The following KCNH8 variants were observed in gnomAD, a reference collection of about 807,000 sequenced individuals.
The protein encoded by KCNH8 is potassium voltage-gated channel subfamily H member 8.
KCNH8 carries 70 observed loss-of-function variants against 103.6 expected under a neutral mutation model. The ratio of observed to expected loss-of-function variants is 0.68; its 90% CI spans 0.56 to 0.82. The LOEUF is 0.82. Among genes scored for constraint, KCNH8 ranks in the 40% least tolerant of loss-of-function variants. KCNH8 has a pLI of 0.00. For synonymous variants in KCNH8, 498 were observed against 489.4 expected (o/e 1.02, Z -0.23); for missense variants, 1,217 against 1,329.9 (o/e 0.92, Z 1.32).
chr3:19,481,942 C>G (rs1194110263), intron 11 of KCNH8, among the ~76,000 whole-genome samples: 1 of 152,174 alleles, frequency 6.6e-6, no homozygotes, highest in Non-Finnish European at 1.5e-5. Flanking sequence ...TAGAACCCCT[C>G]AGACAACAAT....
In KCNH8 at chr3:19,390,594, G is replaced by A. The variant is rs1231347359; in HGVS notation, c.925G>A (p.Ala309Thr). The A allele has an allele frequency of 1.2e-6, 2 of 1,613,136 alleles. No individual in the cohort carries two copies. Among genetic ancestry groups the A allele is most frequent in the Non-Finnish European group, 1.7e-6 (2 of 1,179,564 alleles). Residue 309 changes from alanine to threonine, a missense_variant, in exon 6 of 16, where the codon GCT (alanine) becomes ACT (threonine). Ala to Thr is a moderately conservative substitution (Grantham distance 58, BLOSUM62 0). Around this residue, in one of 3 missense-constraint regions of KCNH8, gnomAD observed 415 missense variants for 577.4 expected, o/e 0.72. Coordinates refer to ENST00000328405, the MANE Select transcript of KCNH8 (RefSeq NM_144633.3). ...AACCTGGTTCATCATTGATTTAATC[G>A]CTGCCCTGCCTTTTGATCTTCTGTA... ...VTTWFIIDLI[A>T]ALPFDLLYAF...
intron 3 of KCNH8, among the ~76,000 whole-genome samples, chr3:19,322,672 G>A (rs1458158322): frequency 6.6e-6 from 1 of 152,092 alleles, no homozygotes; most frequent in Admixed American, 6.5e-5. Flanking sequence ...TATGTGCCCA[G>A]GCAATGATCT....
At chr3:19,202,835 A>T (rs902180447) in intron 1 of KCNH8, among the ~76,000 whole-genome samples, 1 of 152,158 alleles carries the variant, frequency 6.6e-6, no homozygotes, top group Non-Finnish European at 1.5e-5. Flanking sequence ...ATAGTTATTA[A>T]AAAATGTTGA....
chr3:19,471,107 G>A (rs1037800136), intron 11 of KCNH8, among the ~76,000 whole-genome samples: 1 of 152,128 alleles, frequency 6.6e-6, no homozygotes, highest in Non-Finnish European at 1.5e-5. Flanking sequence ...GTTGGGCTGG[G>A]AAAGGGAGAG....
At chr3:19,201,328 G>C (rs945258241) in intron 1 of KCNH8, among the ~76,000 whole-genome samples, 3 of 119,252 alleles carry the variant, frequency 2.5e-5, no homozygotes, top group Non-Finnish European at 5.2e-5. Context: ...TGTTTATTTT[G>C]TTCCTTTTCA....
Position 19,533,438 on chromosome 3 carries a change from T to C in KCNH8, c.2663T>C (p.Met888Thr). ...GAAGTTTCTCAGTTGGGTAAAGACA[T>C]GAGAAATGTGATCCAGCTTCTGGAA... The part of the protein sequence containing the change: ...TQEVSQLGKD[M>T]RNVIQLLENV... The change falls in exon 16 of 16, where the codon ATG (methionine) becomes ACG (threonine). Residue 888 changes from methionine to threonine, a missense_variant. This residue lies in a region of KCNH8 where 558 missense variants were observed against 495.8 expected (regional missense o/e 1.13). Coordinates refer to ENST00000328405, the MANE Select transcript of KCNH8 (RefSeq NM_144633.3). The C allele has an allele frequency of 1.2e-6, 2 of 1,612,122 alleles. No homozygotes were observed. Among genetic ancestry groups the C allele is most frequent in the Non-Finnish European group, 8.5e-7 (1 of 1,178,198 alleles).
At chr3:19,258,960 T>TAC (rs1350355892) in intron 2 of KCNH8, among the ~76,000 whole-genome samples, 1 of 131,648 alleles carries the variant, frequency 7.6e-6, no homozygotes, top group South Asian at 2.4e-4. Context: ...TATATATATA[T>TAC]ATATATATAT....
intron 1 of KCNH8, among the ~76,000 whole-genome samples, chr3:19,232,300 C>T (rs2064004721): frequency 6.6e-6 from 1 of 152,162 alleles, no homozygotes; most frequent in Admixed American, 6.5e-5. Context: ...GGTTTTATTT[C>T]CTCAACCATA....
chr3:19,234,383 G>C (rs868267285), intron 1 of KCNH8, among the ~76,000 whole-genome samples: 136 of 152,328 alleles, frequency 8.9e-4, no homozygotes, highest in Non-Finnish European at 2.4e-4. Context: ...CACGGAGTTG[G>C]GGGGAGGCTC....
rs766382436 is a variant in KCNH8, at chr3:19,513,000, A to C, written c.2110A>C (p.Lys704Gln). The change falls in exon 13 of 16, where the codon AAG becomes CAG. Residue 704 changes from lysine (K) to glutamine (Q), a missense_variant. Lys to Gln is a moderately conservative substitution (Grantham distance 53, BLOSUM62 1). Coordinates refer to ENST00000328405, the MANE Select transcript of KCNH8 (RefSeq NM_144633.3). Reference protein sequence around the residue: ...SEPKGNGNINKRLPSIVEDEE... With the variant: ...SEPKGNGNINQRLPSIVEDEE... ...GCCCAAGGGAAATGGCAACATCAAC[A>C]AGCGACTCCCATCCATTGTGGAAGA... is the stretch of plus-strand genomic sequence containing the variant. 3.5e-5 allele frequency: 57 copies of C among 1,613,366 alleles called. No individual in the cohort carries two copies. Among genetic ancestry groups the C allele is most frequent in the Non-Finnish European group, 4.7e-5 (56 of 1,179,694 alleles).
intron 7 of KCNH8, among the ~76,000 whole-genome samples, chr3:19,415,403 G>GTTT (rs2066847580): frequency 7.4e-6 from 1 of 135,374 alleles, no homozygotes. Context: ...TTCTCAATGA[G>GTTT]CTTTTTTTTT....
At chr3:19,285,388 C>T (rs1205998297) in intron 3 of KCNH8, among the ~76,000 whole-genome samples, 1 of 152,064 alleles carries the variant, frequency 6.6e-6, no homozygotes, top group African/African-American at 2.4e-5. Flanking sequence ...CTGCTACTGT[C>T]TCAGGAACTG....
chr3:19,479,895 C>T (rs888223734), intron 11 of KCNH8, among the ~76,000 whole-genome samples: 1 of 152,122 alleles, frequency 6.6e-6, no homozygotes, highest in African/African-American at 2.4e-5. Flanking sequence ...AACACATGTT[C>T]CTCCAATCTG....
intron 1 of KCNH8, among the ~76,000 whole-genome samples, chr3:19,224,649 T>A (rs2063910078): frequency 6.6e-6 from 1 of 151,750 alleles, no homozygotes; most frequent in African/African-American, 2.4e-5. Context: ...CAAATGATCT[T>A]CCCACTTTGA....
chr3:19,227,684 A>T (rs1341663443), intron 1 of KCNH8, among the ~76,000 whole-genome samples: 1 of 152,210 alleles, frequency 6.6e-6, no homozygotes, highest in African/African-American at 2.4e-5. Context: ...CATCTTGTTT[A>T]TGCTATAGAT....
rs542509931 is a variant in KCNH8, at chr3:19,335,939, AGTTT to A, written c.443-6647_443-6644del. 7.0e-4 allele frequency among the ~76,000 whole-genome samples: 107 copies of A among 151,850 alleles called. 1 individual carries two copies. The South Asian group carries it at 0.022, about 31-fold the overall frequency. ...TTTTTCCTTGGATACAGTTGCCAAAAGTTTAATTCTCTTATCTTCTTTCCATTTA... is the reference window on the plus strand; with the variant it reads ...TTTTTCCTTGGATACAGTTGCCAAAAAATTCTCTTATCTTCTTTCCATTTA... On this transcript the variant is annotated intron_variant, in intron 3 of 15. Transcript: ENST00000328405.
chr3:19,232,440 T>C (rs755157844), intron 1 of KCNH8, among the ~76,000 whole-genome samples: 1 of 152,228 alleles, frequency 6.6e-6, no homozygotes, highest in Non-Finnish European at 1.5e-5. Context: ...GCACGTGTTA[T>C]GAAACTTCAG....
At chr3:19,467,324 CACAT>C (rs1285885710) in intron 11 of KCNH8, among the ~76,000 whole-genome samples, 3 of 151,784 alleles carry the variant, frequency 2.0e-5, no homozygotes, top group African/African-American at 7.3e-5. Context: ...CACACACACA[CACAT>C]GTGCACACAC....
At chr3:19,347,594 TAA>T (rs2065745301) in intron 4 of KCNH8, 129 bp from the exon 5 acceptor site, 3 of 1,106,462 alleles carry the variant, frequency 2.7e-6, no homozygotes, top group African/African-American at 1.6e-5. Context: ...CACCAACTTT[TAA>T]AAGTCACTTG....
Sources: gnomAD v4.1 joint callset for allele counts (sites outside exome capture counted in the v4.1 genomes callset) on GRCh38, gnomAD v4.1.1 for gene constraint, gnomAD v4.1.1 regional missense constraint, MANE v1.5 for transcripts, NCBI Gene and HGNC (gene_info 2026-07-23, HGNC 2026-07-21) for gene names.